Variants in FAM135B observed in about 807,000 individuals in gnomAD.
FAM135B encodes protein FAM135B.
FAM135B carries 43 observed loss-of-function variants against 127.7 expected under a neutral mutation model. That is an observed-to-expected ratio of 0.34 (90% CI 0.26 to 0.43). FAM135B has a LOEUF of 0.43. FAM135B is among the 20% of genes least tolerant of loss of function. The pLI, the probability that FAM135B is intolerant of heterozygous loss-of-function variation, is 1.00. For missense variants in FAM135B, 1,558 were observed against 1,725.6 expected, an observed-to-expected ratio of 0.90 and a Z score of 1.72; for synonymous variants, 670 against 665.1, an observed-to-expected ratio of 1.01 and a Z score of -0.11.
At chr8:138,332,428 A>G (rs574607496) in intron 2 of FAM135B, among the ~76,000 whole-genome samples, 1 of 152,316 alleles carries the variant, frequency 6.6e-6, no homozygotes, top group East Asian at 1.9e-4. Flanking sequence ...CAGCCCTCCC[A>G]GTCATACAAT....
At chr8:138,280,492 G>T (rs371153442) in intron 3 of FAM135B, among the ~76,000 whole-genome samples, 39 of 152,230 alleles carry the variant, frequency 2.6e-4, no homozygotes, top group African/African-American at 7.9e-4. Flanking sequence ...TGAGCACAAG[G>T]AGCACTTATC....
rs757408832 is a variant in FAM135B, at chr8:138,242,977, A to G, written c.634T>C (p.Phe212Leu). 24 of 1,613,932 alleles carry G rather than the reference A, an allele frequency of 1.5e-5. 1 individual carries two copies. In the South Asian group the frequency reaches 2.6e-4, roughly 18 times the overall value. The change falls in exon 7 of 20, where the codon TTT becomes CTT. Residue 212 changes from phenylalanine (F) to leucine (L), a missense_variant. Phe to Leu is a conservative substitution (Grantham distance 22). Around this residue, in one of 5 missense-constraint regions of FAM135B, gnomAD observed 127 missense variants for 109.7 expected, o/e 1.16. Coordinates refer to ENST00000395297, the MANE Select transcript of FAM135B (RefSeq NM_015912.4). The surrounding 1 kb of genome is among the most constrained non-coding windows in gnomAD (Gnocchi z 9.6). ...QSIISLENLV[F>L]GAGYCKPTSS... is the part of the protein sequence containing the mutation. ...GTCGGCTTGCAGTACCCAGCTCCAA[A>G]GACCAAGTTTTCCAGAGAAATGATA...
In FAM135B at chr8:138,241,969, G is replaced by A. The variant is rs1586860714; in HGVS notation, c.669+973C>T. 6.6e-6 allele frequency among the ~76,000 whole-genome samples: 1 copy of A among 152,036 alleles called. No individual in the cohort carries two copies. Among genetic ancestry groups the A allele is most frequent in the Admixed American group, 6.6e-5 (1 of 15,260 alleles). On this transcript the variant is annotated intron_variant, in intron 7 of 19. Transcript: ENST00000395297. This position sits in a 1 kb window ranked among gnomAD's most constrained non-coding sequence, Gnocchi z 4.8. ...TCTCTTATTTATTGTCTTTGATCTG[G>A]GACATCAGTTTTCTCCTGCCTTTGG...
At chr8:138,284,218 C>A (rs898317083) in intron 3 of FAM135B, among the ~76,000 whole-genome samples, 1 of 152,118 alleles carries the variant, frequency 6.6e-6, no homozygotes, top group South Asian at 2.1e-4. Flanking sequence ...ATCCTTTTCT[C>A]TCACTTTCCA....
At chr8:138,333,621 A>C (rs1828344061) in intron 2 of FAM135B, among the ~76,000 whole-genome samples, 1 of 152,206 alleles carries the variant, frequency 6.6e-6, no homozygotes. Context: ...AGACCTGAGC[A>C]CTTTGACAGC....
At chr8:138,206,232 C>G (rs1458382370) in intron 7 of FAM135B, among the ~76,000 whole-genome samples, 3 of 151,502 alleles carry the variant, frequency 2.0e-5, no homozygotes, top group Non-Finnish European at 4.4e-5. Context: ...CACCTACACA[C>G]AGCTCTCTCA....
intron 3 of FAM135B, among the ~76,000 whole-genome samples, chr8:138,304,684 A>AAG (rs1047606844): frequency 6.6e-4 from 101 of 152,314 alleles, no homozygotes; most frequent in African/African-American, 2.2e-3. Context: ...GAAGCTCCTG[A>AAG]AGGAGGGCCC....
chr8:138,427,785 C>T (rs2131491813), intron 1 of FAM135B, among the ~76,000 whole-genome samples: 1 of 152,232 alleles, frequency 6.6e-6, no homozygotes, highest in East Asian at 1.9e-4. Context: ...ACATCATTCC[C>T]TGATCATTTT....
At chr8:138,484,512 CTTTTA>C (rs901550063) in intron 1 of FAM135B, among the ~76,000 whole-genome samples, 5 of 152,106 alleles carry the variant, frequency 3.3e-5, no homozygotes, top group African/African-American at 1.2e-4. Context: ...GCCCTCTTGG[CTTTTA>C]TTTTTTTAGG....
At chr8:138,156,713 C>T (rs1818789273) in intron 12 of FAM135B, among the ~76,000 whole-genome samples, 1 of 152,116 alleles carries the variant, frequency 6.6e-6, no homozygotes, top group Admixed American at 6.6e-5. Flanking sequence ...TGGATAAATT[C>T]CTGGACACAT....
chr8:138,355,503 G>GA (rs35947387), intron 2 of FAM135B, among the ~76,000 whole-genome samples: 1 of 152,062 alleles, frequency 6.6e-6, no homozygotes, highest in Admixed American at 6.6e-5. Flanking sequence ...TAAGGAAGGA[G>GA]AAAAAGGGGA....
At chr8:138,356,351 T>C (rs1830090354) in intron 2 of FAM135B, among the ~76,000 whole-genome samples, 1 of 152,092 alleles carries the variant, frequency 6.6e-6, no homozygotes, top group African/African-American at 2.4e-5. Context: ...CATCCAAGAA[T>C]GAATTCTTTC....
chr8:138,239,553 T>C (rs1295096115), intron 7 of FAM135B, among the ~76,000 whole-genome samples: 1 of 152,232 alleles, frequency 6.6e-6, no homozygotes, highest in Non-Finnish European at 1.5e-5. Context: ...AGAAGCTCTT[T>C]AGTTTAACTA....
At chr8:138,302,230 G>A (rs961604342) in intron 3 of FAM135B, among the ~76,000 whole-genome samples, 5 of 151,966 alleles carry the variant, frequency 3.3e-5, no homozygotes, top group African/African-American at 1.2e-4. Flanking sequence ...GTGTGAATGC[G>A]GGCCCAGGCT....
At chr8:138,340,884 C>T (rs1246065894) in intron 2 of FAM135B, among the ~76,000 whole-genome samples, 1 of 152,168 alleles carries the variant, frequency 6.6e-6, no homozygotes, top group East Asian at 1.9e-4. Flanking sequence ...ACTCTCAGCC[C>T]CCGCATGCTC....
At chr8:138,199,347 G>C (rs1816923524) in intron 7 of FAM135B, among the ~76,000 whole-genome samples, 1 of 152,224 alleles carries the variant, frequency 6.6e-6, no homozygotes, top group East Asian at 1.9e-4. Flanking sequence ...TTAGGTGAGA[G>C]ACTATGAGAA....
At chr8:138,339,808 G>A (rs1828914391) in intron 2 of FAM135B, among the ~76,000 whole-genome samples, 1 of 152,128 alleles carries the variant, frequency 6.6e-6, no homozygotes. Flanking sequence ...TAGGCCACCT[G>A]AGTGTCCTCT....
chr8:138,174,849 CCA>C (rs148905181), intron 11 of FAM135B, among the ~76,000 whole-genome samples: 9,666 of 152,206 alleles, frequency 0.064, 557 homozygotes, highest in East Asian at 0.17. Context: ...GCACTCCTTA[CCA>C]CTTAGCATAT....
At chr8:138,209,288 A>G (rs1488916153) in intron 7 of FAM135B, among the ~76,000 whole-genome samples, 1 of 151,770 alleles carries the variant, frequency 6.6e-6, no homozygotes, top group Non-Finnish European at 1.5e-5. Flanking sequence ...AGGAAACCAC[A>G]GGATGTAGAG....
Sources: allele counts gnomAD v4.1 joint callset (sites outside exome capture counted in the v4.1 genomes callset), GRCh38; gene constraint gnomAD v4.1.1; regional missense constraint gnomAD v4.1.1; non-coding constraint Gnocchi (gnomAD v3.1); transcripts MANE v1.5; gene names NCBI Gene and HGNC (gene_info 2026-07-23, HGNC 2026-07-21).